The following SOX5 variants were observed in gnomAD, a reference collection of about 807,000 sequenced individuals.
SOX5 encodes the protein SRY-box transcription factor 5.
SOX5 carries 9 observed loss-of-function variants against 92.0 expected under a neutral mutation model. The ratio of observed to expected loss-of-function variants is 0.10; its 90% CI spans 0.06 to 0.17. The LOEUF (loss-of-function observed/expected upper bound fraction) is 0.17. Among genes scored for constraint, SOX5 ranks in the 10% least tolerant of loss-of-function variants. The pLI, the probability that SOX5 is intolerant of heterozygous loss-of-function variation, is 1.00. For missense variants in SOX5, 642 were observed against 944.5 expected, an observed-to-expected ratio of 0.68 and a Z score of 4.20; for synonymous variants, 344 against 336.3, an observed-to-expected ratio of 1.02 and a Z score of -0.25.
intron 3 of SOX5, among the ~76,000 whole-genome samples, chr12:24,260,333 T>C (rs1331359570): frequency 6.6e-6 from 1 of 152,186 alleles, no homozygotes; most frequent in Non-Finnish European, 1.5e-5. Flanking sequence ...CAAAGGGAAC[T>C]TAGGTAAATT....
chr12:23,909,435 C>T (rs747430324), intron 1 of SOX5, among the ~76,000 whole-genome samples: 5 of 152,202 alleles, frequency 3.3e-5, no homozygotes, highest in Middle Eastern at 3.4e-3. Context: ...AATCAATTTA[C>T]CCATATCACC....
intron 1 of SOX5, among the ~76,000 whole-genome samples, chr12:24,450,223 A>T (rs1312935269): frequency 2.0e-5 from 3 of 152,230 alleles, no homozygotes; most frequent in Non-Finnish European, 4.4e-5. Flanking sequence ...TTCACAATGC[A>T]CAATGTGGAA....
chr12:24,255,539 A>G (rs549795146), intron 3 of SOX5, among the ~76,000 whole-genome samples: 18 of 152,312 alleles, frequency 1.2e-4, no homozygotes, highest in African/African-American at 4.1e-4. Flanking sequence ...ACAAACTAGA[A>G]AGCAGTTTAA....
intron 2 of SOX5, among the ~76,000 whole-genome samples, chr12:23,855,433 C>T (rs1297362270): frequency 6.6e-6 from 1 of 151,882 alleles, no homozygotes; most frequent in South Asian, 2.1e-4. Flanking sequence ...AAAAGATGTT[C>T]AGTTACTACT....
In SOX5 at chr12:23,814,313, C is replaced by T. The variant is rs539674591; in HGVS notation, c.481+31670G>A. 8.5e-5 allele frequency among the ~76,000 whole-genome samples: 13 copies of T among 152,180 alleles called. 1 individual carries two copies. In the South Asian group the frequency reaches 1.7e-3, roughly 19 times the overall value. On this transcript the variant is annotated intron_variant, in intron 3 of 14. Transcript: ENST00000451604. ...GTAACTAACCTGATTCAGTGATAGA[C>T]GCCAAAACAAACCCTGAAGCAGTGG...
chr12:24,183,971 C>T (rs748856528), intron 4 of SOX5, among the ~76,000 whole-genome samples: 7 of 152,170 alleles, frequency 4.6e-5, no homozygotes, highest in African/African-American at 1.7e-4. Context: ...CCACTCATTA[C>T]ATATTTTTGT....
chr12:23,787,633 A>G (rs2095404281), intron 3 of SOX5, among the ~76,000 whole-genome samples: 1 of 152,028 alleles, frequency 6.6e-6, no homozygotes, highest in Admixed American at 6.5e-5. Flanking sequence ...TAAAGTCTTC[A>G]GTAAGAGAAT....
intron 4 of SOX5, among the ~76,000 whole-genome samples, chr12:24,140,100 C>G (rs17409645): frequency 0.1 from 15,472 of 152,128 alleles, 877 homozygotes; most frequent in Middle Eastern, 0.19. Context: ...AGGGAAATAC[C>G]TATACCATAT....
chr12:23,885,067 C>T (rs1317825721), intron 2 of SOX5, among the ~76,000 whole-genome samples: 1 of 152,090 alleles, frequency 6.6e-6, no homozygotes, highest in Non-Finnish European at 1.5e-5. Flanking sequence ...GCTCCCATGT[C>T]CCTAGCGGTG....
intron 4 of SOX5, among the ~76,000 whole-genome samples, chr12:24,184,404 G>A (rs1216088099): frequency 6.6e-6 from 1 of 152,136 alleles, no homozygotes; most frequent in African/African-American, 2.4e-5. Flanking sequence ...ACTGATAAAT[G>A]TAAAGCTGCC....
At chr12:24,267,381 T>A (rs1444625771) in intron 3 of SOX5, among the ~76,000 whole-genome samples, 1 of 152,176 alleles carries the variant, frequency 6.6e-6, no homozygotes, top group African/African-American at 2.4e-5. Context: ...TTTCACAAAT[T>A]ATCTAAAAGA....
chr12:24,330,008 G>A (rs1254220659), intron 2 of SOX5, among the ~76,000 whole-genome samples: 1 of 152,176 alleles, frequency 6.6e-6, no homozygotes, highest in East Asian at 1.9e-4. Flanking sequence ...GGGCAACAGA[G>A]TGAGACTCTC....
At chr12:23,745,374 C>A (rs1227293990) in intron 4 of SOX5, among the ~76,000 whole-genome samples, 2 of 152,042 alleles carry the variant, frequency 1.3e-5, no homozygotes, top group African/African-American at 4.8e-5. Flanking sequence ...AAAACTGGTA[C>A]CAAAATTACT....
At chr12:23,599,045 T>C (rs913895915) in intron 9 of SOX5, among the ~76,000 whole-genome samples, 9 of 152,190 alleles carry the variant, frequency 5.9e-5, no homozygotes, top group East Asian at 1.9e-4. Context: ...TTAGTGTGTA[T>C]TGATATAACG....
At chr12:24,350,082 T>C (rs1296369205) in intron 2 of SOX5, among the ~76,000 whole-genome samples, 1 of 152,250 alleles carries the variant, frequency 6.6e-6, no homozygotes, top group Non-Finnish European at 1.5e-5. Flanking sequence ...GAACAGATTC[T>C]TTCTGAAATG....
At chr12:24,098,750 G>A (rs1251980348) in intron 4 of SOX5, among the ~76,000 whole-genome samples, 1 of 152,020 alleles carries the variant, frequency 6.6e-6, no homozygotes, top group African/African-American at 2.4e-5. Context: ...TCCCAGAAAA[G>A]GCAGACTTGT....
chr12:24,354,622 G>A (rs1444997395), intron 2 of SOX5, among the ~76,000 whole-genome samples: 1 of 152,202 alleles, frequency 6.6e-6, no homozygotes, highest in Non-Finnish European at 1.5e-5. Flanking sequence ...GAATGGTGAT[G>A]GAGATAAAGA....
rs183479644 is a variant in SOX5 at position 24,374,410 on chromosome 12, G to C, written c.-250-5771C>G. Reference sequence around the variant, plus strand: ...GAAGGAAAACGTCTGGATTGACTGAGTTAAAGTTGGTTATTTATTCCTCGT... The same window carrying C: ...GAAGGAAAACGTCTGGATTGACTGACTTAAAGTTGGTTATTTATTCCTCGT... On this transcript the variant is annotated intron_variant, in intron 1 of 4. Transcript: ENST00000446891. 1.8e-3 allele frequency among the ~76,000 whole-genome samples: 267 copies of C among 152,280 alleles called. 1 individual carries two copies. Among genetic ancestry groups the C allele is most frequent in the African/African-American group, 6.1e-3 (255 of 41,566 alleles).
intron 2 of SOX5, among the ~76,000 whole-genome samples, chr12:23,886,428 G>A (rs2097066422): frequency 6.6e-6 from 1 of 152,250 alleles, no homozygotes; most frequent in African/African-American, 2.4e-5. Context: ...GAAATATGGT[G>A]TAAGCATTAT....
Sources: allele counts gnomAD v4.1 joint callset (sites outside exome capture counted in the v4.1 genomes callset), GRCh38; gene constraint gnomAD v4.1.1; transcripts MANE v1.5; gene names NCBI Gene and HGNC (gene_info 2026-07-23, HGNC 2026-07-21).